The following DCBLD2 variants were observed in gnomAD, a reference collection of about 807,000 sequenced individuals.
DCBLD2 encodes the protein discoidin, CUB and LCCL domain-containing protein 2.
A neutral mutation model predicts 86.8 loss-of-function variants in DCBLD2; 54 were observed. That is an observed-to-expected ratio of 0.62 (90% CI 0.50 to 0.78). DCBLD2 has a LOEUF of 0.78. Among genes scored for constraint, DCBLD2 ranks in the 30% least tolerant of loss-of-function variants. The probability of loss-of-function intolerance (pLI) is 0.00; values close to 1 mark genes in which losing one functional copy is unlikely to be tolerated. For synonymous variants in DCBLD2, 354 were observed against 341.3 expected (o/e 1.04, Z -0.41); for missense variants, 908 against 954.2 (o/e 0.95, Z 0.64).
intron 2 of DCBLD2, among the ~76,000 whole-genome samples, chr3:98,863,941 T>C (rs547415389): frequency 6.6e-6 from 1 of 151,980 alleles, no homozygotes; most frequent in African/African-American, 2.4e-5. Flanking sequence ...TGGGAGAAAA[T>C]TTTTGCAATC....
intron 9 of DCBLD2, chr3:98,815,877 TAAAG>T (rs1177944156): frequency 6.8e-6 from 1 of 147,338 alleles, no homozygotes; most frequent in African/African-American, 2.5e-5. Context: ...CTGAAAAAAA[TAAAG>T]AACGGAGCAT....
At chr3:98,850,424 C>T (rs1180500577) in intron 2 of DCBLD2, among the ~76,000 whole-genome samples, 3 of 152,102 alleles carry the variant, frequency 2.0e-5, no homozygotes, top group Non-Finnish European at 4.4e-5. Flanking sequence ...CTGTCCTGGG[C>T]CGCATGTGGC....
At chr3:98,823,874 T>C (rs890363145) in intron 4 of DCBLD2, among the ~76,000 whole-genome samples, 3 of 152,152 alleles carry the variant, frequency 2.0e-5, no homozygotes, top group Admixed American at 1.3e-4. Context: ...CATGCTCTTA[T>C]GCAGGACTCT....
chr3:98,858,947 C>T (rs971098717), intron 2 of DCBLD2, among the ~76,000 whole-genome samples: 16 of 152,178 alleles, frequency 1.1e-4, no homozygotes, highest in East Asian at 7.7e-4. Flanking sequence ...CTGGGAAGCG[C>T]GTGGGGTCGG....
At chr3:98,820,324 C>T in intron 6 of DCBLD2, 36 bp from the exon 7 acceptor site, 1 of 1,405,598 alleles carries the variant, frequency 7.1e-7, no homozygotes, top group Non-Finnish European at 9.4e-7. Context: ...GTGATACTCA[C>T]ATAACACATG....
Position 98,802,830 on chromosome 3 carries a change from G to C in DCBLD2, c.1671-1181C>G, listed in dbSNP as rs1000937925. ...AATCCTTTCCCCAGTTCTTGTTTTTGTCAGGTTTGTCAAAGATCAGATGGT... is the reference window on the plus strand; with the variant it reads ...AATCCTTTCCCCAGTTCTTGTTTTTCTCAGGTTTGTCAAAGATCAGATGGT... On this transcript the variant is annotated intron_variant, in intron 13 of 15. Coordinates refer to ENST00000326840, the MANE Select transcript of DCBLD2 (RefSeq NM_080927.4). Among the ~76,000 whole-genome samples, 6 of 152,016 alleles carry C rather than the reference G, an allele frequency of 3.9e-5. No homozygotes were observed. In the South Asian group the frequency reaches 6.2e-4, roughly 16 times the overall value.
intron 1 of DCBLD2, among the ~76,000 whole-genome samples, chr3:98,889,516 C>T (rs185373681): frequency 2.6e-5 from 4 of 152,132 alleles, no homozygotes; most frequent in Admixed American, 2.6e-4. Context: ...AAAATAATTA[C>T]CACCTGCTAT....
rs1553731613 is a variant in DCBLD2, at chr3:98,870,736, A to AAAGAAAGAAAGAAAG, written c.433+10803_433+10804insCTTTCTTTCTTTCTT. Reference sequence around the variant, plus strand: ...AAAGAAAAAGGAAAAGAAAAGAAAGAAAAAGAAAGAAAGAAAGAAAGAAAG... The same window carrying AAAGAAAGAAAGAAAG: ...AAAGAAAAAGGAAAAGAAAAGAAAGAAAGAAAGAAAGAAAGAAAAGAAAGAAAGAAAGAAAGAAAG... On this transcript the variant is annotated intron_variant, in intron 2 of 15. Transcript: ENST00000326840. Among the ~76,000 whole-genome samples the AAAGAAAGAAAGAAAG allele has an allele frequency of 1.0e-3, 86 of 84,658 alleles. 1 individual carries two copies. The highest frequency in any genetic ancestry group is 3.9e-3 in the African/African-American group (81 of 20,522). The allele number at this position is 84,658 out of a possible 152,430, so 55.5% of individuals were successfully genotyped here.
intron 12 of DCBLD2, among the ~76,000 whole-genome samples, chr3:98,809,531 T>C (rs1478394150): frequency 6.6e-6 from 1 of 152,054 alleles, no homozygotes; most frequent in Non-Finnish European, 1.5e-5. Context: ...ACAGATAGGT[T>C]TGTAGGCTCC....
At chr3:98,865,608 G>A (rs910595205) in intron 2 of DCBLD2, among the ~76,000 whole-genome samples, 1 of 152,056 alleles carries the variant, frequency 6.6e-6, no homozygotes, top group Non-Finnish European at 1.5e-5. Context: ...CCACAAAAAC[G>A]TTAAGTACGT....
intron 2 of DCBLD2, among the ~76,000 whole-genome samples, chr3:98,874,284 T>G (rs73138050): frequency 0.026 from 4,027 of 152,264 alleles, 74 homozygotes; most frequent in Middle Eastern, 0.051. Context: ...AAATGCAAAG[T>G]AAATTACAAA....
At chr3:98,848,542 C>T (rs1942768184) in intron 3 of DCBLD2, among the ~76,000 whole-genome samples, 1 of 152,174 alleles carries the variant, frequency 6.6e-6, no homozygotes, top group Non-Finnish European at 1.5e-5. Context: ...TGAGGAATTG[C>T]CACACTGTCT....
chr3:98,871,147 C>T (rs1943276509), intron 2 of DCBLD2, among the ~76,000 whole-genome samples: 1 of 151,944 alleles, frequency 6.6e-6, no homozygotes, highest in Admixed American at 6.6e-5. Context: ...TGTAACCTGA[C>T]ACTTTACAGA....
chr3:98,877,772 G>T (rs1470844549), intron 2 of DCBLD2, among the ~76,000 whole-genome samples: 1 of 152,094 alleles, frequency 6.6e-6, no homozygotes, highest in Admixed American at 6.5e-5. Flanking sequence ...CTGGAGCAGG[G>T]CAATCACAAG....
At position 98,799,308 on chromosome 3, in the gene DCBLD2, C is replaced by T; in HGVS notation, c.*64G>A. On this transcript the variant is annotated 3_prime_UTR_variant, in exon 16 of 16. Coordinates refer to ENST00000326840, the MANE Select transcript of DCBLD2 (RefSeq NM_080927.4). ...TAATACATTCTATATATTACTACCA[C>T]TAATAATTAAAAAAAAAAGGCCATG... The T allele has an allele frequency of 2.2e-6, 3 of 1,344,342 alleles. No homozygotes were observed. The highest frequency in any genetic ancestry group is 2.3e-5 in the African/African-American group (1 of 42,670). 83.3% of individuals were successfully genotyped at this position (1,344,342 alleles called of 1,614,324 possible).
chr3:98,844,440 C>T (rs1942682797), intron 3 of DCBLD2, among the ~76,000 whole-genome samples: 1 of 151,600 alleles, frequency 6.6e-6, no homozygotes, highest in African/African-American at 2.4e-5. Flanking sequence ...TCACTGCAAC[C>T]TTCGCCTCCC....
chr3:98,847,603 A>C (rs1576179260), intron 3 of DCBLD2, among the ~76,000 whole-genome samples: 2 of 152,180 alleles, frequency 1.3e-5, no homozygotes, highest in African/African-American at 2.4e-5. Flanking sequence ...TGTTTATCTC[A>C]AGCCCACCAT....
intron 3 of DCBLD2, among the ~76,000 whole-genome samples, chr3:98,839,022 CGT>C (rs1942550987): frequency 1.9e-5 from 2 of 103,012 alleles, no homozygotes; most frequent in African/African-American, 7.1e-5. Flanking sequence ...AGAGGGAGAC[CGT>C]CGGGAGAGGG....
Position 98,822,330 on chromosome 3 carries a change from G to A in DCBLD2, c.728C>T (p.Ala243Val). 6.2e-7 allele frequency: 1 copy of A among 1,613,956 alleles called. No individual in the cohort carries two copies. Among genetic ancestry groups the A allele is most frequent in the African/African-American group, 1.3e-5 (1 of 75,042 alleles). ...SSPLCMAGVH[A>V]GVVSNTLGGQ... ...GCCCAACGTGTTTGACACTACTCCTGCATGCACACCAGCCATGCACAATGG... is the reference window on the plus strand; with the variant it reads ...GCCCAACGTGTTTGACACTACTCCTACATGCACACCAGCCATGCACAATGG... Residue 243 changes from alanine to valine, a missense_variant, in exon 6 of 16, where the codon GCA (alanine) becomes GTA (valine). By Grantham distance (64) the Ala-to-Val change is moderately conservative. Coordinates refer to ENST00000326840, the MANE Select transcript of DCBLD2 (RefSeq NM_080927.4).
Sources: allele counts gnomAD v4.1 joint callset (sites outside exome capture counted in the v4.1 genomes callset), GRCh38; gene constraint gnomAD v4.1.1; transcripts MANE v1.5; gene names NCBI Gene and HGNC (gene_info 2026-07-23, HGNC 2026-07-21).